PDE12: variants seen among roughly 807,000 people sequenced by gnomAD.
PDE12 encodes phosphodiesterase 12, also known as 2',5'-phosphodiesterase 12.
Under a neutral mutation model 45.4 loss-of-function variants are expected in PDE12, and 26 were observed. The ratio of observed to expected loss-of-function variants is 0.57; its 90% CI spans 0.42 to 0.79. The LOEUF (loss-of-function observed/expected upper bound fraction) is 0.79, where lower values mean the gene tolerates loss of function less well. Ranked by LOEUF, PDE12 falls within the 30% of genes least tolerant of loss-of-function variation. The probability of loss-of-function intolerance (pLI) is 0.00; values close to 1 mark genes in which losing one functional copy is unlikely to be tolerated. For missense variants in PDE12, 668 were observed against 790.0 expected (o/e 0.85, Z 1.85); for synonymous variants, 283 against 323.9 (o/e 0.87, Z 1.36).
At chr3:57,630,888 A>C in the PDE12 span, 1 of 1,611,486 alleles carries the variant, frequency 6.2e-7, no homozygotes, top group Non-Finnish European at 8.5e-7. Context: ...AGTTAATTAC[A>C]GTTAGAGGAC....
the PDE12 span, among the ~76,000 whole-genome samples, chr3:57,639,818 C>T: frequency 1.3e-5 from 2 of 152,146 alleles, no homozygotes; most frequent in Non-Finnish European, 2.9e-5. Context: ...TCAGTAAGAC[C>T]GAGTCCAGAA....
the PDE12 span, among the ~76,000 whole-genome samples, chr3:57,621,313 A>G: frequency 6.6e-6 from 1 of 152,240 alleles, no homozygotes; most frequent in Non-Finnish European, 1.5e-5. Flanking sequence ...TCCATACTTC[A>G]CATACACATT....
the PDE12 span, chr3:57,572,156 T>A: frequency 4.3e-6 from 6 of 1,400,788 alleles, no homozygotes; most frequent in Admixed American, 3.4e-5. Flanking sequence ...AATTTTGTTG[T>A]AACAAGCCTA....
chr3:57,616,742 A>C, the PDE12 span, among the ~76,000 whole-genome samples: 2 of 152,140 alleles, frequency 1.3e-5, no homozygotes, highest in African/African-American at 2.4e-5. Flanking sequence ...ATGACAAACC[A>C]GCTGGGTGTG....
chr3:57,561,431 T>C lies in PDE12; in HGVS notation c.*1427T>C. ...CAACAGTGTGTATATATGTAATATA[T>C]ATATAGTAAAATGAAATTTAAATAT... On this transcript the variant is annotated 3_prime_UTR_variant, in exon 3 of 3. Transcript: ENST00000311180. The C allele has an allele frequency of 2.1e-6, 2 of 967,604 alleles. No individual in the cohort carries two copies. The highest frequency in any genetic ancestry group is 3.5e-5 in the African/African-American group (2 of 56,992). The allele number at this position is 967,604 out of a possible 1,614,324, so 59.9% of individuals were successfully genotyped here. A position where few individuals can be genotyped will look rare whatever the true frequency, so the allele number is the denominator to read the frequency against.
chr3:57,570,043 T>C (rs2069822201), downstream of PDE12, among the ~76,000 whole-genome samples: 1 of 151,968 alleles, frequency 6.6e-6, no homozygotes, highest in Non-Finnish European at 1.5e-5. Context: ...ACAACAATTA[T>C]ACTATAGTTC....
chr3:57,628,135 T>C, the PDE12 span: 1 of 1,541,168 alleles, frequency 6.5e-7, no homozygotes, highest in Non-Finnish European at 8.7e-7. Context: ...CACTGAGAGA[T>C]CTCCTTTGTG....
the PDE12 span, among the ~76,000 whole-genome samples, chr3:57,601,424 TAGTG>T: frequency 6.6e-6 from 1 of 152,118 alleles, no homozygotes; most frequent in Non-Finnish European, 1.5e-5. Flanking sequence ...CTATTTTTCT[TAGTG>T]AGATCTTTTT....
chr3:57,587,594 T>A, the PDE12 span, among the ~76,000 whole-genome samples: 49 of 152,250 alleles, frequency 3.2e-4, no homozygotes, highest in African/African-American at 1.1e-3. Context: ...AGATTTTTTT[T>A]AATTAAAATG....
the PDE12 span, among the ~76,000 whole-genome samples, chr3:57,609,089 A>C: frequency 2.0e-5 from 3 of 152,186 alleles, no homozygotes; most frequent in Non-Finnish European, 2.9e-5. Context: ...ACTCACTCAA[A>C]ACCGCTCAAC....
chr3:57,653,725 G>A, the PDE12 span, among the ~76,000 whole-genome samples: 21 of 141,630 alleles, frequency 1.5e-4, no homozygotes, highest in Admixed American at 9.2e-4. Flanking sequence ...CGGCCTGGGC[G>A]ACAGAGCGAG....
chr3:57,559,463 C>G (rs1483754271), intron 2 of PDE12, 75 bp downstream of exon 2: 2 of 1,569,554 alleles, frequency 1.3e-6, no homozygotes, highest in African/African-American at 2.7e-5. Context: ...AAATGCATAT[C>G]TTGAACGTCA....
the PDE12 span, among the ~76,000 whole-genome samples, chr3:57,588,202 T>C: frequency 1.3e-5 from 2 of 152,220 alleles, no homozygotes; most frequent in African/African-American, 4.8e-5. Context: ...AAAGATGTAC[T>C]GGAATACTTG....
At chr3:57,652,503 T>A in the PDE12 span, among the ~76,000 whole-genome samples, 2 of 152,184 alleles carry the variant, frequency 1.3e-5, no homozygotes, top group South Asian at 2.1e-4. Context: ...CCTAAGCAGC[T>A]CCCAGATTTC....
chr3:57,615,952 G>A, the PDE12 span, among the ~76,000 whole-genome samples: 1 of 152,022 alleles, frequency 6.6e-6, no homozygotes. Context: ...GATAATGAGG[G>A]AATAATTTCA....
chr3:57,617,347 T>C, the PDE12 span, among the ~76,000 whole-genome samples: 2 of 151,902 alleles, frequency 1.3e-5, no homozygotes, highest in Non-Finnish European at 2.9e-5. Flanking sequence ...AAGGATGCAG[T>C]GAGCTATGAT....
At chr3:57,631,047 AATGGGTCTTTTAAGTTTTTAATCAT>A in the PDE12 span, 1 of 1,466,048 alleles carries the variant, frequency 6.8e-7, no homozygotes, top group Non-Finnish European at 9.4e-7. Context: ...ACTTAAAAGG[AATGGGTCTTTTAAGTTTTTAATCAT>A]ATGCCCTTTC....
At chr3:57,602,715 C>T in the PDE12 span, among the ~76,000 whole-genome samples, 58,592 of 151,836 alleles carry the variant, frequency 0.39, 12,644 homozygotes, top group South Asian at 0.56. Flanking sequence ...GGACTACAGG[C>T]GTGCGCCACT....
the PDE12 span, among the ~76,000 whole-genome samples, chr3:57,617,851 A>G: frequency 6.6e-6 from 1 of 151,834 alleles, no homozygotes; most frequent in Non-Finnish European, 1.5e-5. Flanking sequence ...CCTGGGCAAC[A>G]GAGTGAGTGA....
Sources: gnomAD v4.1 joint callset for allele counts (sites outside exome capture counted in the v4.1 genomes callset) on GRCh38, gnomAD v4.1.1 for gene constraint, MANE v1.5 for transcripts, NCBI Gene and HGNC (gene_info 2026-07-23, HGNC 2026-07-21) for gene names.